The following ZNF804A variants were observed in gnomAD, a reference collection of about 807,000 sequenced individuals.
The protein encoded by ZNF804A is zinc finger protein 804A.
In ZNF804A, 2 loss-of-function variants were observed where a neutral mutation model predicts 16.5. That is an observed-to-expected ratio of 0.12 (90% confidence interval 0.05 to 0.38). The LOEUF is 0.38. Ranked by LOEUF, ZNF804A falls within the 10% of genes least tolerant of loss-of-function variation. The pLI is 0.99. For synonymous variants in ZNF804A, 534 were observed against 489.6 expected, an observed-to-expected ratio of 1.09 and a Z score of -1.20; for missense variants, 1,473 against 1,390.7, an observed-to-expected ratio of 1.06 and a Z score of -0.94.
intron 1 of ZNF804A, among the ~76,000 whole-genome samples, chr2:184,756,583 T>C (rs1400117808): frequency 1.3e-5 from 2 of 152,058 alleles, no homozygotes; most frequent in Non-Finnish European, 2.9e-5. Context: ...GATTTTTCTA[T>C]GTAATAATCA....
At chr2:184,907,475 A>C (rs1156643671) in intron 2 of ZNF804A, among the ~76,000 whole-genome samples, 1 of 152,154 alleles carries the variant, frequency 6.6e-6, no homozygotes, top group Non-Finnish European at 1.5e-5. Flanking sequence ...TACATATCCC[A>C]TATACAGTAT....
At chr2:184,906,816 A>T (rs1477960206) in intron 2 of ZNF804A, among the ~76,000 whole-genome samples, 1 of 152,176 alleles carries the variant, frequency 6.6e-6, no homozygotes, top group African/African-American at 2.4e-5. Context: ...TGAGCTCTTT[A>T]AAAATGTGGA....
At chr2:184,804,794 T>C (rs1558966536) in intron 1 of ZNF804A, among the ~76,000 whole-genome samples, 1 of 152,184 alleles carries the variant, frequency 6.6e-6, no homozygotes, top group Non-Finnish European at 1.5e-5. Flanking sequence ...TCAAGTGAGT[T>C]ATATCAAGTG....
chr2:184,887,642 C>T (rs1323327753), intron 2 of ZNF804A, among the ~76,000 whole-genome samples: 1 of 152,052 alleles, frequency 6.6e-6, no homozygotes, highest in African/African-American at 2.4e-5. Flanking sequence ...CAAGAGAAAA[C>T]GAGGAGGAAG....
At chr2:184,623,761 A>G (rs892387067) in intron 1 of ZNF804A, among the ~76,000 whole-genome samples, 4 of 152,162 alleles carry the variant, frequency 2.6e-5, no homozygotes, top group African/African-American at 9.7e-5. Flanking sequence ...ACACACACTC[A>G]GGTGTGCACG....
chr2:184,859,699 G>A (rs2105808004), intron 1 of ZNF804A, among the ~76,000 whole-genome samples: 1 of 152,258 alleles, frequency 6.6e-6, no homozygotes, highest in Non-Finnish European at 1.5e-5. Context: ...TGATGTGTAT[G>A]CATTAGAAAT....
chr2:184,730,303 T>C lies in ZNF804A; in HGVS notation c.111+131233T>C, dbSNP rs563502439. Among the ~76,000 whole-genome samples the C allele has an allele frequency of 7.9e-5, 12 of 152,078 alleles. No homozygotes were observed. The South Asian group carries it at 2.5e-3, about 32-fold the overall frequency. The stretch of plus-strand genomic sequence containing the variant: ...CCTACACACTCCTTGTCCCTGTGTA[T>C]CCATAATTTATTTCATTATCAACAA... On this transcript the variant is annotated intron_variant, in intron 1 of 3. Transcript: ENST00000302277.
At chr2:184,706,558 G>T (rs1693034253) in intron 1 of ZNF804A, among the ~76,000 whole-genome samples, 2 of 152,138 alleles carry the variant, frequency 1.3e-5, no homozygotes, top group Non-Finnish European at 1.5e-5. Flanking sequence ...TGGCTCAGAT[G>T]ACTGAGCCTC....
intron 1 of ZNF804A, among the ~76,000 whole-genome samples, chr2:184,861,505 GCA>G (rs1209669897): frequency 6.6e-6 from 1 of 152,130 alleles, no homozygotes; most frequent in East Asian, 1.9e-4. Context: ...AAGACAAAAA[GCA>G]CAGTCCTAAT....
chr2:184,886,014 C>T (rs1684882742), intron 2 of ZNF804A, among the ~76,000 whole-genome samples: 1 of 152,094 alleles, frequency 6.6e-6, no homozygotes, highest in South Asian at 2.1e-4. Context: ...TAGAATTATG[C>T]CAGAAGTCCA....
rs766471089 is a variant in ZNF804A, at chr2:184,938,440, A to T, written c.3044A>T (p.His1015Leu). 7.4e-6 allele frequency: 12 copies of T among 1,613,984 alleles called. No individual in the cohort carries two copies. Among genetic ancestry groups the T allele is most frequent in the Admixed American group, 1.7e-5 (1 of 59,974 alleles). ...LPFKEAHVSG[H>L]TFVTAEQILA... ...TTCAAAGAAGCACATGTCAGTGGTCATACTTTTGTAACAGCTGAGCAAATC... is the reference window on the plus strand; with the variant it reads ...TTCAAAGAAGCACATGTCAGTGGTCTTACTTTTGTAACAGCTGAGCAAATC... The change falls in exon 4 of 4, where the codon CAT becomes CTT. Residue 1015 changes from histidine (H) to leucine (L), a missense_variant. Transcript: ENST00000302277.
intron 1 of ZNF804A, among the ~76,000 whole-genome samples, chr2:184,672,311 G>T (rs555334797): frequency 6.6e-6 from 1 of 152,328 alleles, no homozygotes; most frequent in South Asian, 2.1e-4. Context: ...CTTGGACCAT[G>T]AGTCCAGAAT....
chr2:184,760,206 A>G (rs1382809953), intron 1 of ZNF804A, among the ~76,000 whole-genome samples: 11 of 152,154 alleles, frequency 7.2e-5, no homozygotes, highest in Admixed American at 7.2e-4. Flanking sequence ...GCTTGGGCTC[A>G]GAGGCCTGAC....
chr2:184,746,050 A>AT (rs900963164), intron 1 of ZNF804A, among the ~76,000 whole-genome samples: 42 of 151,248 alleles, frequency 2.8e-4, no homozygotes, highest in African/African-American at 8.2e-4. Flanking sequence ...AAAAGCACGC[A>AT]TTTTTTTTCA....
Position 184,938,709 on chromosome 2 carries a change from CAGCACGCTGCAGCTGCTGCAGCTGCAG to C in ZNF804A, c.3314_3340del (p.Gln1105_Ala1114delinsPro). The stretch of plus-strand genomic sequence containing the variant: ...CACTATCCATCACACTGTTTTGCAG[CAGCACGCTGCAGCTGCTGCAGCTGCAG>C]CTGCAGCCGCAGCTGCAGGAACCTT... On this transcript the variant is annotated inframe_deletion, in exon 4 of 4. Transcript: ENST00000302277. 6.2e-7 allele frequency: 1 copy of C among 1,613,372 alleles called. No individual in the cohort carries two copies. The highest frequency in any genetic ancestry group is 8.5e-7 in the Non-Finnish European group (1 of 1,179,694).
chr2:184,773,977 T>C (rs1558957819), intron 1 of ZNF804A, among the ~76,000 whole-genome samples: 2 of 152,006 alleles, frequency 1.3e-5, no homozygotes, highest in East Asian at 1.9e-4. Context: ...CATCTGCACA[T>C]TGGGTTTGAA....
intron 2 of ZNF804A, among the ~76,000 whole-genome samples, chr2:184,928,342 T>C (rs1421342753): frequency 6.6e-6 from 1 of 151,978 alleles, no homozygotes; most frequent in Non-Finnish European, 1.5e-5. Flanking sequence ...GTGAGTGAGA[T>C]GGTATCTTAA....
In ZNF804A at chr2:184,892,906, T is replaced by C. The variant is rs373594882; in HGVS notation, c.255+26394T>C. 2.6e-5 allele frequency among the ~76,000 whole-genome samples: 4 copies of C among 152,340 alleles called. No individual in the cohort carries two copies. The East Asian group carries it at 7.7e-4, about 29-fold the overall frequency. On this transcript the variant is annotated intron_variant, in intron 2 of 3. Transcript: ENST00000302277. ...TGATTATATTTTGTTCATTATTGCC[T>C]GTGTTATAATCAATATTGATGGTTT...
chr2:184,778,644 G>A (rs957607009), intron 1 of ZNF804A, among the ~76,000 whole-genome samples: 1 of 151,620 alleles, frequency 6.6e-6, no homozygotes, highest in African/African-American at 2.4e-5. Context: ...ATCATAACCA[G>A]AAATTTTAAG....
Sources: allele counts gnomAD v4.1 joint callset (sites outside exome capture counted in the v4.1 genomes callset), GRCh38; gene constraint gnomAD v4.1.1; transcripts MANE v1.5; gene names NCBI Gene and HGNC (gene_info 2026-07-23, HGNC 2026-07-21).